Variants in KBTBD11 observed in about 807,000 individuals in gnomAD.
KBTBD11 encodes the protein kelch repeat and BTB domain containing 11.
For missense variants in KBTBD11, 1,390 were observed against 1,001.8 expected (o/e 1.39, Z -5.23); for synonymous variants, 747 against 499.0 (o/e 1.50, Z -6.63).
In KBTBD11 at chr8:2,004,386, A is replaced by T. The variant is rs756779175; in HGVS notation, c.*1322A>T. ...GATCCATGCTCACAAATAGAGGCGAACATTTGAACTCCGAATCCAACCCAT... is the reference window on the plus strand; with the variant it reads ...GATCCATGCTCACAAATAGAGGCGATCATTTGAACTCCGAATCCAACCCAT... On this transcript the variant is annotated 3_prime_UTR_variant, in exon 2 of 2. Transcript: ENST00000320248. The T allele has an allele frequency of 1.8e-5, 3 of 166,922 alleles. No homozygotes were observed. The highest frequency in any genetic ancestry group is 7.2e-5 in the African/African-American group (3 of 41,478). The allele number at this position is 166,922 out of a possible 1,614,324, so 10.3% of individuals were successfully genotyped here.
At chr8:1,989,510 C>G (rs564311258) in intron 1 of KBTBD11, among the ~76,000 whole-genome samples, 1 of 152,140 alleles carries the variant, frequency 6.6e-6, no homozygotes, top group African/African-American at 2.4e-5. Flanking sequence ...GCAGGTGTAT[C>G]GTCGTGTCAG....
At chr8:1,984,162 T>G (rs6558569) in intron 1 of KBTBD11, among the ~76,000 whole-genome samples, 143,450 of 152,152 alleles carry the variant, frequency 0.94, 67,665 homozygotes, top group East Asian at 1. Context: ...CGTGGGCCAG[T>G]CACAGTGGCC....
chr8:2,001,153 G>C lies in KBTBD11; in HGVS notation c.-40G>C, dbSNP rs1196456686. ...ACCTTGGCCAGACCTGCAGGCTGCG[G>C]AACCGGGGGCGCGCGGGCGCAGCGC... On this transcript the variant is annotated 5_prime_UTR_variant, in exon 2 of 2. Coordinates refer to ENST00000320248, the MANE Select transcript of KBTBD11 (RefSeq NM_014867.3). 1 of 1,296,376 alleles carries C rather than the reference G, an allele frequency of 7.7e-7. No homozygotes were observed. The highest frequency in any genetic ancestry group is 9.8e-7 in the Non-Finnish European group (1 of 1,023,074). The allele number at this position is 1,296,376 out of a possible 1,614,324, so 80.3% of individuals were successfully genotyped here. A position where few individuals can be genotyped will look rare whatever the true frequency, so the allele number is the denominator to read the frequency against.
chr8:2,003,099 G>A lies in KBTBD11; in HGVS notation c.*35G>A, dbSNP rs1007224204. On this transcript the variant is annotated 3_prime_UTR_variant, in exon 2 of 2. Transcript: ENST00000320248. Reference sequence around the variant, plus strand: ...GTCGGCGGGCGTCTCCCTCGGCAGGGGTTTGCGGGGCCCAGGTCCCTTTGG... The same window carrying A: ...GTCGGCGGGCGTCTCCCTCGGCAGGAGTTTGCGGGGCCCAGGTCCCTTTGG... 42 of 1,258,278 alleles carry A rather than the reference G, an allele frequency of 3.3e-5. No homozygotes were observed. The highest frequency in any genetic ancestry group is 1.1e-4 in the African/African-American group (7 of 64,414). The allele number at this position is 1,258,278 out of a possible 1,614,324, so 77.9% of individuals were successfully genotyped here. A position where few individuals can be genotyped will look rare whatever the true frequency, so the allele number is the denominator to read the frequency against.
In KBTBD11 at chr8:1,997,683, G is replaced by A. The variant is rs559452734; in HGVS notation, c.-908-2602G>A. Reference sequence around the variant, plus strand: ...AGATCTTGGTGTCAGAAACAACATCGCTGATGGTGGTGGACAGGGAGCTGC... The same window carrying A: ...AGATCTTGGTGTCAGAAACAACATCACTGATGGTGGTGGACAGGGAGCTGC... On this transcript the variant is annotated intron_variant, in intron 1 of 1. Transcript: ENST00000320248. 1.4e-3 allele frequency among the ~76,000 whole-genome samples: 212 copies of A among 152,354 alleles called. 2 individuals carry two copies. Among genetic ancestry groups the A allele is most frequent in the African/African-American group, 5.0e-3 (206 of 41,592 alleles).
intron 1 of KBTBD11, chr8:1,976,578 T>A (rs949219794): frequency 5.6e-5 from 8 of 143,548 alleles, no homozygotes; most frequent in African/African-American, 2.0e-4. Flanking sequence ...CCCCCCACCC[T>A]GCTGTGGGTC....
Position 2,004,866 on chromosome 8 carries a change from C to G in KBTBD11, c.*1802C>G, listed in dbSNP as rs922904288. The G allele has an allele frequency of 1.8e-5, 3 of 166,992 alleles. No individual in the cohort carries two copies. Among genetic ancestry groups the G allele is most frequent in the Non-Finnish European group, 2.9e-5 (2 of 68,124 alleles). 10.3% of individuals were successfully genotyped at this position (166,992 alleles called of 1,614,324 possible). A position where few individuals can be genotyped will look rare whatever the true frequency, so the allele number is the denominator to read the frequency against. ...AATAATGTTCATTTTAAGCAATGTA[C>G]CATTCACACTGTCCTGCCTTTTCCT... is the stretch of plus-strand genomic sequence containing the variant. On this transcript the variant is annotated 3_prime_UTR_variant, in exon 2 of 2. Transcript: ENST00000320248.
rs79590429 is a variant in KBTBD11 at position 1,992,073 on chromosome 8, C to G, written c.-908-8212C>G. Reference sequence around the variant, plus strand: ...CCCACCCTCCCTCTTCTGAAAGGTCCCTGAGCAGCACCTGTTGCCACCCAG... The same window carrying G: ...CCCACCCTCCCTCTTCTGAAAGGTCGCTGAGCAGCACCTGTTGCCACCCAG... On this transcript the variant is annotated intron_variant, in intron 1 of 1. Transcript: ENST00000320248. Among the ~76,000 whole-genome samples, 207 of 152,154 alleles carry G rather than the reference C, an allele frequency of 1.4e-3. 1 individual carries two copies. In the East Asian group the frequency reaches 0.036, roughly 27 times the overall value.
In KBTBD11 at chr8:2,001,517, G is replaced by T; in HGVS notation, c.325G>T (p.Glu109Ter). The T allele has an allele frequency of 2.1e-6, 3 of 1,416,906 alleles. No homozygotes were observed. The highest frequency in any genetic ancestry group is 2.8e-6 in the Non-Finnish European group (3 of 1,090,702). The allele number at this position is 1,416,906 out of a possible 1,614,324, so 87.8% of individuals were successfully genotyped here. ...GGAAGAGCCCGCGGCGCCGTCCCCC[G>T]AACCGCGCGTTTGGCTTGAGGACCC... ...CPEEPAAPSP[E>*]PRVWLEDPAS... The change falls in exon 2 of 2, where the codon GAA becomes TAA. Residue 109 changes from glutamate to a stop codon, truncating the protein, a stop_gained. Coordinates refer to ENST00000320248, the MANE Select transcript of KBTBD11 (RefSeq NM_014867.3). LOFTEE classifies it low-confidence loss of function (END_TRUNC).
In KBTBD11 at chr8:1,991,970, C is replaced by T. The variant is rs192224617; in HGVS notation, c.-908-8315C>T. ...CGCGGTAGACACACAGGGAGGTAGG[C>T]GTCATGCACGAGGAAGTGCCAGAGA... is the stretch of plus-strand genomic sequence containing the variant. On this transcript the variant is annotated intron_variant, in intron 1 of 1. Transcript: ENST00000320248. Among the ~76,000 whole-genome samples the T allele has an allele frequency of 4.9e-3, 746 of 152,128 alleles. 6 individuals carry two copies. Among genetic ancestry groups the T allele is most frequent in the Non-Finnish European group, 5.6e-3 (384 of 68,010 alleles).
At chr8:1,979,842 G>C (rs910296390) in intron 1 of KBTBD11, among the ~76,000 whole-genome samples, 1 of 152,224 alleles carries the variant, frequency 6.6e-6, no homozygotes, top group African/African-American at 2.4e-5. Flanking sequence ...GCCTCATCCC[G>C]CGTGGCTTCC....
At chr8:1,982,702 G>T (rs571093373) in intron 1 of KBTBD11, among the ~76,000 whole-genome samples, 3 of 151,738 alleles carry the variant, frequency 2.0e-5, no homozygotes. Flanking sequence ...TGCCAAAGGG[G>T]CCAATTCATC....
At chr8:1,999,266 G>C (rs1349394796) in intron 1 of KBTBD11, among the ~76,000 whole-genome samples, 3 of 152,144 alleles carry the variant, frequency 2.0e-5, no homozygotes, top group Non-Finnish European at 4.4e-5. Context: ...GGAAGAGCAG[G>C]GAATTTATAG....
rs1008369931 is a variant in KBTBD11, at chr8:2,002,729, G to C, written c.1537G>C (p.Glu513Gln). The change falls in exon 2 of 2, where the codon GAG (glutamate) becomes CAG (glutamine). Residue 513 changes from glutamate to glutamine, a missense_variant. By Grantham distance (29) the Glu-to-Gln change is conservative (BLOSUM62 2). Transcript: ENST00000320248. The surrounding 1 kb of genome is among the most constrained non-coding windows in gnomAD (Gnocchi z 4.1). Reference sequence around the variant, plus strand: ...CTTCGATCTGAGCGGCAGCCGCGGCGAGGCGCAGGCGGCGGGGCCGAGCGG... The same window carrying C: ...CTTCGATCTGAGCGGCAGCCGCGGCCAGGCGCAGGCGGCGGGGCCGAGCGG... ...YRFDLSGSRG[E>Q]AQAAGPSGVS... 1.3e-6 allele frequency: 2 copies of C among 1,509,580 alleles called. No homozygotes were observed. The highest frequency in any genetic ancestry group is 1.8e-6 in the Non-Finnish European group (2 of 1,136,260). 93.5% of individuals were successfully genotyped at this position (1,509,580 alleles called of 1,614,324 possible).
chr8:1,983,391 C>A (rs1563364700), intron 1 of KBTBD11, among the ~76,000 whole-genome samples: 1 of 152,236 alleles, frequency 6.6e-6, no homozygotes, highest in South Asian at 2.1e-4. Flanking sequence ...CTGTCCCAGG[C>A]AGCTGGGTGC....
rs752733057 is a variant in KBTBD11 at position 2,006,232 on chromosome 8, A to G, written c.*3168A>G. The G allele has an allele frequency of 6.0e-6, 1 of 167,084 alleles. No homozygotes were observed. Among genetic ancestry groups the G allele is most frequent in the Non-Finnish European group, 1.5e-5 (1 of 68,124 alleles). The allele number at this position is 167,084 out of a possible 1,614,324, so 10.4% of individuals were successfully genotyped here. ...TCTGGTAGCAGCCGTTGAATCTGTCAGTCTCTTAGGTAACTTCCTGTAAAC... is the reference window on the plus strand; with the variant it reads ...TCTGGTAGCAGCCGTTGAATCTGTCGGTCTCTTAGGTAACTTCCTGTAAAC... On this transcript the variant is annotated 3_prime_UTR_variant, in exon 2 of 2. Transcript: ENST00000320248.
chr8:1,997,003 C>A (rs1817165021), intron 1 of KBTBD11, among the ~76,000 whole-genome samples: 1 of 151,990 alleles, frequency 6.6e-6, no homozygotes, highest in Admixed American at 6.5e-5. Context: ...CTCCCTGTCT[C>A]CCCCGCGCGC....
At position 2,003,857 on chromosome 8, in the gene KBTBD11, A is replaced by G. The variant is rs929045023; in HGVS notation, c.*793A>G. The G allele has an allele frequency of 3.6e-5, 6 of 166,976 alleles. No individual in the cohort carries two copies. Among genetic ancestry groups the G allele is most frequent in the African/African-American group, 7.2e-5 (3 of 41,458 alleles). 10.3% of individuals were successfully genotyped at this position (166,976 alleles called of 1,614,324 possible). A position where few individuals can be genotyped will look rare whatever the true frequency, so the allele number is the denominator to read the frequency against. ...GCTAAATGTGACCAAACAGCACATCATAAGTAGGAAAAACTTACCAGGGTG... is the reference window on the plus strand; with the variant it reads ...GCTAAATGTGACCAAACAGCACATCGTAAGTAGGAAAAACTTACCAGGGTG... On this transcript the variant is annotated 3_prime_UTR_variant, in exon 2 of 2. Transcript: ENST00000320248.
chr8:1,981,860 C>T (rs961256729), intron 1 of KBTBD11, among the ~76,000 whole-genome samples: 3 of 152,188 alleles, frequency 2.0e-5, no homozygotes, highest in African/African-American at 7.2e-5. Flanking sequence ...TTCCCTGGTT[C>T]TGAGGCCTCT....
Sources: gnomAD v4.1 joint callset for allele counts (sites outside exome capture counted in the v4.1 genomes callset) on GRCh38, gnomAD v4.1.1 for gene constraint, Gnocchi (gnomAD v3.1) non-coding constraint, MANE v1.5 for transcripts, NCBI Gene and HGNC (gene_info 2026-07-23, HGNC 2026-07-21) for gene names.